The following GATAD2A variants were observed in gnomAD, a reference collection of about 807,000 sequenced individuals.
GATAD2A encodes the protein GATA zinc finger domain containing 2A.
GATAD2A carries 12 observed loss-of-function variants against 68.5 expected under a neutral mutation model. The ratio of observed to expected loss-of-function variants is 0.18; its 90% CI spans 0.11 to 0.28. GATAD2A has a LOEUF of 0.28. Ranked by LOEUF, GATAD2A falls within the 10% of genes least tolerant of loss-of-function variation. The pLI is 1.00. For missense variants in GATAD2A, 755 were observed against 868.5 expected (o/e 0.87, Z 1.64); for synonymous variants, 410 against 375.3 (o/e 1.09, Z -1.07).
chr19:19,434,904 C>T (rs1396602729), intron 1 of GATAD2A, among the ~76,000 whole-genome samples: 2 of 152,130 alleles, frequency 1.3e-5, no homozygotes, highest in African/African-American at 4.8e-5. Flanking sequence ...AGGGTGAAGT[C>T]CGCTCATTCC....
At chr19:19,500,209 G>A (rs1212668300) in intron 8 of GATAD2A, among the ~76,000 whole-genome samples, 1 of 152,192 alleles carries the variant, frequency 6.6e-6, no homozygotes, top group East Asian at 1.9e-4. Flanking sequence ...ACCATGTCTG[G>A]TTCTGGCGCC....
intron 8 of GATAD2A, 40 bp downstream of exon 8, chr19:19,498,762 G>A (rs1351580213): frequency 1.3e-6 from 2 of 1,547,370 alleles, no homozygotes; most frequent in Admixed American, 1.7e-5. Context: ...TCCGCCTCTG[G>A]CCTCCAAGGG....
intron 1 of GATAD2A, among the ~76,000 whole-genome samples, chr19:19,407,157 CTG>C (rs1457296131): frequency 6.6e-6 from 1 of 152,260 alleles, no homozygotes; most frequent in Non-Finnish European, 1.5e-5. Context: ...TGAGAGCCCT[CTG>C]TGCGGGTGTC....
chr19:19,456,441 A>ATT (rs2056944309), intron 1 of GATAD2A, among the ~76,000 whole-genome samples: 1 of 152,088 alleles, frequency 6.6e-6, no homozygotes, highest in African/African-American at 2.4e-5. Context: ...ACATTTGTAT[A>ATT]TTTCTTAGCC....
intron 2 of GATAD2A, among the ~76,000 whole-genome samples, chr19:19,472,883 T>G (rs1265843017): frequency 6.6e-6 from 1 of 152,206 alleles, no homozygotes; most frequent in Non-Finnish European, 1.5e-5. Flanking sequence ...GTATGCCAGG[T>G]ACTATGCTGA....
At chr19:19,479,065 AGCGTTTCCATAGGCTTTTTGGATCATTGT>A (rs2058874975) in intron 2 of GATAD2A, among the ~76,000 whole-genome samples, 2 of 152,128 alleles carry the variant, frequency 1.3e-5, no homozygotes, top group Admixed American at 6.6e-5. Context: ...AGAGTGGAGG[AGCGTTTCCATAGGCTTTTTGGATCATTGT>A]GCGTTTCCTC....
chr19:19,488,730 A>T (rs1416324470), intron 2 of GATAD2A, among the ~76,000 whole-genome samples: 1 of 152,158 alleles, frequency 6.6e-6, no homozygotes, highest in Non-Finnish European at 1.5e-5. Flanking sequence ...AGCGGGTGAG[A>T]CCATTTACGC....
intron 1 of GATAD2A, among the ~76,000 whole-genome samples, chr19:19,463,953 C>T (rs1357934624): frequency 1.3e-5 from 2 of 152,216 alleles, no homozygotes; most frequent in Non-Finnish European, 2.9e-5. Context: ...TGCGCTATTG[C>T]TCATTTGTGA....
chr19:19,493,475 T>G (rs1177196930), intron 4 of GATAD2A, among the ~76,000 whole-genome samples: 1 of 152,232 alleles, frequency 6.6e-6, no homozygotes, highest in African/African-American at 2.4e-5. Context: ...GTCCTGCTTC[T>G]GTTTCTTCTT....
At chr19:19,389,315 T>C (rs2048681643) in intron 1 of GATAD2A, among the ~76,000 whole-genome samples, 1 of 152,202 alleles carries the variant, frequency 6.6e-6, no homozygotes. Context: ...AAGTATAGGC[T>C]GCGCTAGTGT....
chr19:19,491,076 C>CGTTCA (rs1478562466), intron 2 of GATAD2A, among the ~76,000 whole-genome samples: 4 of 152,128 alleles, frequency 2.6e-5, no homozygotes, highest in African/African-American at 9.7e-5. Context: ...CCTAGAGGAT[C>CGTTCA]GTTCACAGGA....
intron 1 of GATAD2A, chr19:19,436,255 G>A (rs769092232): frequency 1.8e-6 from 2 of 1,120,204 alleles, no homozygotes; most frequent in Admixed American, 1.9e-5. Flanking sequence ...TGGAAGGAAG[G>A]TTCCACGCAT....
chr19:19,444,799 A>T (rs2055513021), intron 1 of GATAD2A, among the ~76,000 whole-genome samples: 1 of 139,778 alleles, frequency 7.2e-6, no homozygotes, highest in Non-Finnish European at 1.5e-5. Flanking sequence ...TGAGCCCTGG[A>T]GGTTGAGGCT....
chr19:19,418,901 CTAG>C (rs985725018), intron 1 of GATAD2A, among the ~76,000 whole-genome samples: 1 of 152,076 alleles, frequency 6.6e-6, no homozygotes, highest in African/African-American at 2.4e-5. Context: ...TGGTATCTGA[CTAG>C]TAATCACCAA....
At chr19:19,468,929 T>G (rs1313199640) in intron 2 of GATAD2A, among the ~76,000 whole-genome samples, 1 of 152,226 alleles carries the variant, frequency 6.6e-6, no homozygotes, top group African/African-American at 2.4e-5. Flanking sequence ...CCAAAGGCTT[T>G]GAATGATTTG....
intron 1 of GATAD2A, among the ~76,000 whole-genome samples, chr19:19,390,927 C>G (rs1261029240): frequency 1.3e-5 from 2 of 152,100 alleles, no homozygotes; most frequent in African/African-American, 2.4e-5. Context: ...TTTGAGAGGG[C>G]CAGTGTGTGG....
At chr19:19,387,836 ACTCCTGTAGG>A (rs2048552672) in intron 1 of GATAD2A, among the ~76,000 whole-genome samples, 1 of 150,714 alleles carries the variant, frequency 6.6e-6, no homozygotes, top group South Asian at 2.1e-4. Context: ...GAGATATCCC[ACTCCTGTAGG>A]CTCCTCACAT....
intron 7 of GATAD2A, among the ~76,000 whole-genome samples, chr19:19,497,241 G>A (rs1047887217): frequency 6.6e-6 from 1 of 152,168 alleles, no homozygotes; most frequent in African/African-American, 2.4e-5. Flanking sequence ...GACTACAGGC[G>A]CCTGCCACCA....
rs148686357 is a variant in GATAD2A at position 19,393,306 on chromosome 19, A to T, written c.-7+7168A>T. On this transcript the variant is annotated intron_variant, in intron 1 of 11. Coordinates refer to the GATAD2A transcript ENST00000360315. ...TGAGTGACAGAGTGAGATTCCGTGT[A>T]AAAAAAAAAAAATTATAAGGGACAA... Among the ~76,000 whole-genome samples the T allele has an allele frequency of 5.6e-3, 800 of 141,706 alleles. 6 individuals carry two copies. Among genetic ancestry groups the T allele is most frequent in the South Asian group, 0.05 (197 of 3,926 alleles). The allele number at this position is 141,706 out of a possible 152,430, so 93.0% of individuals were successfully genotyped here. A position where few individuals can be genotyped will look rare whatever the true frequency, so the allele number is the denominator to read the frequency against.
Sources: allele counts gnomAD v4.1 joint callset (sites outside exome capture counted in the v4.1 genomes callset), GRCh38; gene constraint gnomAD v4.1.1; transcripts MANE v1.5; gene names NCBI Gene and HGNC (gene_info 2026-07-23, HGNC 2026-07-21).